Variants in CAPZA2 observed in about 807,000 individuals in gnomAD.
CAPZA2 encodes the protein capping actin protein of muscle Z-line subunit alpha 2.
A neutral mutation model predicts 44.0 loss-of-function variants in CAPZA2; 13 were observed. That is an observed-to-expected ratio of 0.30 (90% CI 0.19 to 0.47). The LOEUF (loss-of-function observed/expected upper bound fraction) is 0.47, where lower values mean the gene tolerates loss of function less well. Among genes scored for constraint, CAPZA2 ranks in the 20% least tolerant of loss-of-function variants. CAPZA2 has a pLI of 1.00. For synonymous variants in CAPZA2, 94 were observed against 108.2 expected (o/e 0.87, Z 0.81); for missense variants, 244 against 338.6 (o/e 0.72, Z 2.19).
chr7:116,894,310 C>T (rs981671565), intron 3 of CAPZA2, among the ~76,000 whole-genome samples: 4 of 149,636 alleles, frequency 2.7e-5, no homozygotes, highest in Non-Finnish European at 5.9e-5. Flanking sequence ...TGCAGCAAGC[C>T]GAGATGGCGC....
At chr7:116,873,702 C>CA (rs1253560411) in intron 1 of CAPZA2, 2 of 156,312 alleles carry the variant, frequency 1.3e-5, no homozygotes, top group Non-Finnish European at 2.9e-5. Flanking sequence ...GTTGTACCCT[C>CA]ATGTTCTAGA....
At chr7:116,892,063 A>G (rs1796853227) in intron 2 of CAPZA2, among the ~76,000 whole-genome samples, 1 of 152,240 alleles carries the variant, frequency 6.6e-6, no homozygotes, top group African/African-American at 2.4e-5. Flanking sequence ...GATAATATAC[A>G]TACTAAATTT....
At chr7:116,882,054 G>A (rs1437862663) in intron 1 of CAPZA2, among the ~76,000 whole-genome samples, 2 of 152,142 alleles carry the variant, frequency 1.3e-5, no homozygotes, top group Admixed American at 6.5e-5. Flanking sequence ...GGCACTTGAT[G>A]TCAGTTTTTC....
intron 2 of CAPZA2, among the ~76,000 whole-genome samples, chr7:116,891,250 A>T (rs1387740706): frequency 6.6e-6 from 1 of 152,222 alleles, no homozygotes; most frequent in Non-Finnish European, 1.5e-5. Context: ...GCTGACAAAT[A>T]GATCTTGTTT....
rs185936055 is a variant in CAPZA2 at position 116,906,481 on chromosome 7, A to T, written c.506+139A>T. 498 of 1,385,622 alleles carry T rather than the reference A, an allele frequency of 3.6e-4. 2 individuals are homozygous for T. The African/African-American group carries it at 5.6e-3, about 16-fold the overall frequency. The allele number at this position is 1,385,622 out of a possible 1,614,324, so 85.8% of individuals were successfully genotyped here. A position where few individuals can be genotyped will look rare whatever the true frequency, so the allele number is the denominator to read the frequency against. On this transcript the variant is annotated intron_variant, in intron 6 of 9. Coordinates refer to ENST00000361183, the MANE Select transcript of CAPZA2 (RefSeq NM_006136.3). ...GATGGTATAAAATTTTAGCCTTTTGATATAAGGAAGGTAAATTTGCTCAAC... is the reference window on the plus strand; with the variant it reads ...GATGGTATAAAATTTTAGCCTTTTGTTATAAGGAAGGTAAATTTGCTCAAC...
chr7:116,913,661 G>A (rs1162649021), intron 8 of CAPZA2, among the ~76,000 whole-genome samples: 1 of 151,982 alleles, frequency 6.6e-6, no homozygotes, highest in Non-Finnish European at 1.5e-5. Context: ...CACCCAGGCT[G>A]GCATGATCTC....
Position 116,918,105 on chromosome 7 carries a change from C to T in CAPZA2, c.*238C>T, listed in dbSNP as rs1433045529. On this transcript the variant is annotated 3_prime_UTR_variant, in exon 10 of 10. Coordinates refer to ENST00000361183, the MANE Select transcript of CAPZA2 (RefSeq NM_006136.3). The stretch of plus-strand genomic sequence containing the variant: ...ATGTCTTTCTGTTAGGCCTTTCTTT[C>T]TTACAATGAAGAGATGATTCTTCTA... 2.8e-6 allele frequency: 1 copy of T among 359,144 alleles called. No individual in the cohort carries two copies. Among genetic ancestry groups the T allele is most frequent in the African/African-American group, 2.0e-5 (1 of 49,096 alleles). The allele number at this position is 359,144 out of a possible 1,614,324, so 22.2% of individuals were successfully genotyped here.
rs531942419 is a variant in CAPZA2 at position 116,863,279 on chromosome 7, A to G, written c.39+629A>G. On this transcript the variant is annotated intron_variant, in intron 1 of 9. Transcript: ENST00000361183. ...TCTTTCCTTTCGTGGCTCTAGCAGT[A>G]AGCTTGCAGCTCCCATGTTCCCCAG... 5.3e-5 allele frequency among the ~76,000 whole-genome samples: 8 copies of G among 152,214 alleles called. No homozygotes were observed. In the East Asian group the frequency reaches 9.7e-4, roughly 18 times the overall value.
In CAPZA2 at chr7:116,909,762, T is replaced by G. The variant is rs537586483; in HGVS notation, c.507-471T>G. ...TAAAAGCCCCTGTTAATCTAAACAT[T>G]TATTCCATTTATTTTGGAAATATAA... On this transcript the variant is annotated intron_variant, in intron 6 of 9. Transcript: ENST00000361183. 24 of 171,664 alleles carry G rather than the reference T, an allele frequency of 1.4e-4. No homozygotes were observed. In the South Asian group the frequency reaches 3.3e-3, roughly 23 times the overall value. 10.6% of individuals were successfully genotyped at this position (171,664 alleles called of 1,614,324 possible). A position where few individuals can be genotyped will look rare whatever the true frequency, so the allele number is the denominator to read the frequency against.
intron 1 of CAPZA2, among the ~76,000 whole-genome samples, chr7:116,867,582 C>CTT (rs67944722): frequency 2.9e-4 from 33 of 114,820 alleles, no homozygotes; most frequent in African/African-American, 4.1e-4. Flanking sequence ...ATTTCTCTCT[C>CTT]TTTTTTTTTT....
chr7:116,913,304 T>C (rs1402687392), intron 8 of CAPZA2, among the ~76,000 whole-genome samples: 1 of 152,166 alleles, frequency 6.6e-6, no homozygotes, highest in Non-Finnish European at 1.5e-5. Flanking sequence ...TCATTTGAGA[T>C]TTGAAATATT....
chr7:116,903,233 A>AGTGTGT (rs71148342), intron 4 of CAPZA2, among the ~76,000 whole-genome samples: 6,188 of 146,338 alleles, frequency 0.042, 179 homozygotes, highest in Middle Eastern at 0.082. Flanking sequence ...TGCAGAGAAG[A>AGTGTGT]GTGTGTGTGT....
intron 3 of CAPZA2, among the ~76,000 whole-genome samples, chr7:116,896,486 G>T (rs1236419980): frequency 6.6e-6 from 1 of 152,090 alleles, no homozygotes; most frequent in Non-Finnish European, 1.5e-5. Flanking sequence ...ATGTGAAAGG[G>T]CTTTATAACC....
intron 1 of CAPZA2, among the ~76,000 whole-genome samples, 183 bp downstream of exon 1, chr7:116,862,833 C>T (rs1796434610): frequency 6.6e-6 from 1 of 152,004 alleles, no homozygotes; most frequent in African/African-American, 2.4e-5. Context: ...AGGCCCCGCG[C>T]GGGGGCAGGT....
intron 1 of CAPZA2, among the ~76,000 whole-genome samples, chr7:116,876,842 C>T (rs1445065402): frequency 2.0e-5 from 3 of 152,182 alleles, no homozygotes; most frequent in East Asian, 1.9e-4. Context: ...CAGCACACCA[C>T]GCAGGCCCAC....
intron 3 of CAPZA2, among the ~76,000 whole-genome samples, chr7:116,897,108 G>A (rs1323783624): frequency 1.3e-5 from 2 of 152,042 alleles, no homozygotes; most frequent in Non-Finnish European, 2.9e-5. Flanking sequence ...GAGGTGGATG[G>A]CGTTTTATAT....
At chr7:116,891,394 T>A (rs942358806) in intron 2 of CAPZA2, among the ~76,000 whole-genome samples, 2 of 152,232 alleles carry the variant, frequency 1.3e-5, no homozygotes, top group African/African-American at 4.8e-5. Context: ...TAACAGTAAT[T>A]ATAAATTTCT....
At chr7:116,881,674 G>GCT (rs1796704808) in intron 1 of CAPZA2, among the ~76,000 whole-genome samples, 1 of 146,154 alleles carries the variant, frequency 6.8e-6, no homozygotes, top group Admixed American at 7.2e-5. Flanking sequence ...GGGAGGCAGA[G>GCT]CTTGCAGTGA....
chr7:116,890,004 G>T (rs953967155), intron 2 of CAPZA2, among the ~76,000 whole-genome samples: 2 of 151,938 alleles, frequency 1.3e-5, no homozygotes, highest in Non-Finnish European at 2.9e-5. Flanking sequence ...TCCTCCTTAG[G>T]GTCAAAAAGT....
Sources: gnomAD v4.1 joint callset for allele counts (sites outside exome capture counted in the v4.1 genomes callset) on GRCh38, gnomAD v4.1.1 for gene constraint, MANE v1.5 for transcripts, NCBI Gene and HGNC (gene_info 2026-07-23, HGNC 2026-07-21) for gene names.